Variants in AGBL1 observed in about 807,000 individuals in gnomAD.
AGBL1 encodes AGBL carboxypeptidase 1, also known as cytosolic carboxypeptidase 4.
Under a neutral mutation model 118.9 loss-of-function variants are expected in AGBL1, and 130 were observed. That is an observed-to-expected ratio of 1.09 (90% CI 0.95 to 1.26). AGBL1 has a LOEUF of 1.26. AGBL1 is among the 50% of genes most tolerant of loss of function. AGBL1 has a pLI of 0.00. For missense variants in AGBL1, 1,584 were observed against 1,298.1 expected, an observed-to-expected ratio of 1.22 and a Z score of -3.38; for synonymous variants, 555 against 478.9, an observed-to-expected ratio of 1.16 and a Z score of -2.08.
chr15:87,030,605 T>TAAGC (rs1320425966), downstream of AGBL1, among the ~76,000 whole-genome samples: 1 of 152,100 alleles, frequency 6.6e-6, no homozygotes, highest in East Asian at 1.9e-4. Flanking sequence ...TCATTGCAAG[T>TAAGC]AAGCCCAGCA....
intron 17 of AGBL1, among the ~76,000 whole-genome samples, chr15:86,345,987 CT>C (rs796734722): frequency 0.012 from 1,705 of 145,146 alleles, 7 homozygotes; most frequent in Non-Finnish European, 0.017. Context: ...ACAGCTCTTC[CT>C]TTTTTTTTTT....
chr15:86,405,344 T>C (rs1402502211), intron 18 of AGBL1, among the ~76,000 whole-genome samples: 1 of 143,562 alleles, frequency 7.0e-6, no homozygotes, highest in East Asian at 2.7e-4. Context: ...ACCCCGTCTC[T>C]ATTAAAAAAT....
At chr15:86,643,574 G>T (rs1596331970) in intron 21 of AGBL1, among the ~76,000 whole-genome samples, 1 of 151,768 alleles carries the variant, frequency 6.6e-6, no homozygotes, top group Non-Finnish European at 1.5e-5. Context: ...GTTTAATTTT[G>T]GGGTTTTGTC....
intron 22 of AGBL1, among the ~76,000 whole-genome samples, chr15:86,885,205 A>T (rs986650514): frequency 6.6e-6 from 1 of 152,146 alleles, no homozygotes; most frequent in African/African-American, 2.4e-5. Flanking sequence ...CTCCTTTCTT[A>T]TACCAAGTTG....
intron 16 of AGBL1, among the ~76,000 whole-genome samples, chr15:86,294,426 AG>A: frequency 7.3e-6 from 1 of 137,872 alleles, no homozygotes. Flanking sequence ...AAAAAAAAAA[AG>A]GATTGTTCAC....
chr15:86,754,216 C>T (rs890074216), intron 22 of AGBL1, among the ~76,000 whole-genome samples: 4 of 152,152 alleles, frequency 2.6e-5, no homozygotes, highest in East Asian at 3.9e-4. Context: ...AAAAGGGATT[C>T]GTGCTTACTC....
intron 6 of AGBL1, among the ~76,000 whole-genome samples, chr15:86,230,634 A>G (rs1287762446): frequency 6.6e-6 from 1 of 152,200 alleles, no homozygotes; most frequent in Non-Finnish European, 1.5e-5. Flanking sequence ...AGGGCCATGG[A>G]GTCAGACTAC....
chr15:86,390,566 A>C (rs1208990967), intron 17 of AGBL1, among the ~76,000 whole-genome samples: 1 of 152,134 alleles, frequency 6.6e-6, no homozygotes, highest in African/African-American at 2.4e-5. Flanking sequence ...CTCAGTGATT[A>C]AAAGAAATTA....
chr15:86,827,502 T>C (rs183234665), intron 22 of AGBL1, among the ~76,000 whole-genome samples: 4,696 of 49,450 alleles, frequency 0.095, 1,331 homozygotes, highest in African/African-American at 0.21. Flanking sequence ...TATATATATA[T>C]ATATATATAT....
chr15:86,827,447 G>A (rs1275842136), intron 22 of AGBL1, among the ~76,000 whole-genome samples: 1 of 4,762 alleles, frequency 2.1e-4, no homozygotes, highest in African/African-American at 7.9e-4. Flanking sequence ...ATATATGTGT[G>A]TGTATATATA....
At chr15:87,018,129 A>C (rs544471691) in intron 24 of AGBL1, among the ~76,000 whole-genome samples, 1 of 133,520 alleles carries the variant, frequency 7.5e-6, no homozygotes, top group East Asian at 1.9e-4. Context: ...ATGTAAAGAC[A>C]CTGTGCCTAC....
chr15:86,846,751 C>T (rs1325425809), intron 22 of AGBL1, among the ~76,000 whole-genome samples: 8 of 152,104 alleles, frequency 5.3e-5, no homozygotes, highest in African/African-American at 1.4e-4. Flanking sequence ...AGGCTGGTCT[C>T]GAACTCCTGA....
intron 19 of AGBL1, among the ~76,000 whole-genome samples, chr15:86,542,776 G>C (rs530198686): frequency 6.6e-6 from 1 of 151,982 alleles, no homozygotes; most frequent in South Asian, 2.1e-4. Flanking sequence ...ATCGTATCTC[G>C]CTTTATCCCA....
intron 22 of AGBL1, among the ~76,000 whole-genome samples, chr15:86,720,557 G>T (rs1326263756): frequency 6.6e-6 from 1 of 152,208 alleles, no homozygotes; most frequent in East Asian, 1.9e-4. Flanking sequence ...GATGGGAAAT[G>T]TGATCAGTTC....
chr15:86,842,463 A>G (rs1275836159), intron 22 of AGBL1, among the ~76,000 whole-genome samples: 2 of 152,176 alleles, frequency 1.3e-5, no homozygotes, highest in African/African-American at 4.8e-5. Context: ...CTGGTCTTCC[A>G]TTTCTATTTC....
At chr15:86,768,659 G>T (rs1372194834) in intron 22 of AGBL1, among the ~76,000 whole-genome samples, 1 of 151,902 alleles carries the variant, frequency 6.6e-6, no homozygotes, top group African/African-American at 2.4e-5. Flanking sequence ...CCCACATCAA[G>T]TCACTATCTA....
intron 22 of AGBL1, among the ~76,000 whole-genome samples, chr15:86,740,705 T>C (rs1186173369): frequency 6.6e-6 from 1 of 152,118 alleles, no homozygotes; most frequent in Non-Finnish European, 1.5e-5. Context: ...TGAATGAGTG[T>C]TGGACAGATC....
chr15:86,897,170 A>C (rs2080141086), intron 22 of AGBL1, among the ~76,000 whole-genome samples: 1 of 152,198 alleles, frequency 6.6e-6, no homozygotes, highest in African/African-American at 2.4e-5. Context: ...TTTTCTACTT[A>C]CATGCTTATA....
At chr15:86,247,564 T>A (rs2078740819) in intron 6 of AGBL1, 107 bp from the exon 7 acceptor site, 1 of 1,179,586 alleles carries the variant, frequency 8.5e-7, no homozygotes, top group African/African-American at 1.5e-5. Context: ...ATGTTATTAT[T>A]CCCTTGATGA....
Sources: allele counts gnomAD v4.1 joint callset (sites outside exome capture counted in the v4.1 genomes callset), GRCh38; gene constraint gnomAD v4.1.1; transcripts MANE v1.5; gene names NCBI Gene and HGNC (gene_info 2026-07-23, HGNC 2026-07-21).